OSBPL10: variants seen among roughly 807,000 people sequenced by gnomAD.
The protein encoded by OSBPL10 is oxysterol binding protein like 10.
OSBPL10 carries 49 observed loss-of-function variants against 81.7 expected under a neutral mutation model. The observed-to-expected ratio is 0.60, with a 90% CI of 0.48 to 0.76. OSBPL10 has a LOEUF of 0.76. Among genes scored for constraint, OSBPL10 ranks in the 30% least tolerant of loss-of-function variants. The pLI is 0.00. For synonymous variants in OSBPL10, 419 were observed against 383.6 expected (o/e 1.09, Z -1.08); for missense variants, 923 against 987.8 (o/e 0.93, Z 0.88).
In OSBPL10 at chr3:32,018,025, G is replaced by C. The variant is rs142642865; in HGVS notation, n.298+28466C>G. 8.8e-3 allele frequency among the ~76,000 whole-genome samples: 1,342 copies of C among 152,130 alleles called. 14 individuals carry two copies. The highest frequency in any genetic ancestry group is 0.03 in the African/African-American group (1,265 of 41,496). On this transcript the variant is annotated intron_variant and non_coding_transcript_variant, in intron 2 of 3. Coordinates refer to the OSBPL10 transcript ENST00000479173. ...TAGCTGGGCTTGGTGGCGGGCGCCT[G>C]TAATCCCAGCTACTCAGGGGGCTGA...
At position 32,015,534 on chromosome 3, in the gene OSBPL10, G is replaced by A. The variant is rs138632634; in HGVS notation, n.298+30957C>T. Among the ~76,000 whole-genome samples, 28 of 152,254 alleles carry A rather than the reference G, an allele frequency of 1.8e-4. No individual in the cohort carries two copies. In the East Asian group the frequency reaches 4.6e-3, roughly 25 times the overall value. On this transcript the variant is annotated intron_variant and non_coding_transcript_variant, in intron 2 of 3. Transcript: ENST00000479173. The stretch of plus-strand genomic sequence containing the variant: ...CTGGGCAATACCATTCAGGACATAG[G>A]CATAGGCAAGGACTTCATGTCTAAA...
chr3:31,754,803 TCA>T (rs1559450354), intron 4 of OSBPL10, among the ~76,000 whole-genome samples: 1 of 152,216 alleles, frequency 6.6e-6, no homozygotes, highest in Non-Finnish European at 1.5e-5. Flanking sequence ...TTATTCACTC[TCA>T]GTTTCGGTGT....
At chr3:31,931,466 C>A (rs888084266) in intron 1 of OSBPL10, among the ~76,000 whole-genome samples, 12 of 152,140 alleles carry the variant, frequency 7.9e-5, no homozygotes, top group South Asian at 2.1e-4. Flanking sequence ...ACCTATACTC[C>A]ACCACCAGAT....
In OSBPL10 at chr3:31,991,459, CTT is replaced by C. The variant is rs143588522; in HGVS notation, n.298+55030_298+55031del. 1,367 of 167,108 alleles carry C rather than the reference CTT, an allele frequency of 8.2e-3. 49 individuals are homozygous for C. The East Asian group carries it at 0.15, about 18-fold the overall frequency. The allele number at this position is 167,108 out of a possible 1,614,324, so 10.4% of individuals were successfully genotyped here. A position where few individuals can be genotyped will look rare whatever the true frequency, so the allele number is the denominator to read the frequency against. ...ATGTTTGTAGATTTCAAGGTACAAACTTCTCACCTTTTTACGTTTATTCCTAA... is the reference window on the plus strand; with the variant it reads ...ATGTTTGTAGATTTCAAGGTACAAACCTCACCTTTTTACGTTTATTCCTAA... On this transcript the variant is annotated intron_variant and non_coding_transcript_variant, in intron 2 of 3. Coordinates refer to the OSBPL10 transcript ENST00000479173.
intron 8 of OSBPL10, 67 bp downstream of exon 8, chr3:31,683,567 C>T: frequency 6.5e-7 from 1 of 1,532,806 alleles, no homozygotes; most frequent in Non-Finnish European, 8.8e-7. Context: ...ACAAAATTAT[C>T]AATCATCTAC....
At chr3:31,975,209 C>T (rs1316417288) in intron 1 of OSBPL10, among the ~76,000 whole-genome samples, 1 of 152,160 alleles carries the variant, frequency 6.6e-6, no homozygotes, top group Non-Finnish European at 1.5e-5. Flanking sequence ...TTTATTATTA[C>T]CATCAATGAA....
chr3:31,972,986 C>A (rs1348023734), intron 1 of OSBPL10, among the ~76,000 whole-genome samples: 1 of 152,136 alleles, frequency 6.6e-6, no homozygotes, highest in African/African-American at 2.4e-5. Flanking sequence ...ACAAATAAAG[C>A]ATTTTCTGGG....
Position 31,672,442 on chromosome 3 carries a change from G to T in OSBPL10, c.1727-1459C>A, listed in dbSNP as rs114940812. On this transcript the variant is annotated intron_variant, in intron 8 of 11. Transcript: ENST00000396556. ...GAGGATAGGGAGAGAGAGAAGGAAG[G>T]GGGGTGGGAGTGCGGAGGGAGGGGA... 4.7e-5 allele frequency among the ~76,000 whole-genome samples: 7 copies of T among 148,518 alleles called. No homozygotes were observed. The South Asian group carries it at 1.3e-3, about 28-fold the overall frequency.
chr3:31,940,580 T>C (rs564621477), intron 1 of OSBPL10, among the ~76,000 whole-genome samples: 15 of 152,338 alleles, frequency 9.8e-5, no homozygotes, highest in African/African-American at 3.6e-4. Context: ...CCTTTGGGAT[T>C]TCATACCTGT....
At chr3:32,002,676 A>G (rs1473790775) in intron 2 of OSBPL10, among the ~76,000 whole-genome samples, 2 of 129,506 alleles carry the variant, frequency 1.5e-5, no homozygotes, top group Non-Finnish European at 3.6e-5. Context: ...TCAAACAGCA[A>G]TGTTTCTGAT....
intron 2 of OSBPL10, among the ~76,000 whole-genome samples, chr3:32,010,384 T>C (rs1167510900): frequency 6.6e-6 from 1 of 152,134 alleles, no homozygotes; most frequent in Non-Finnish European, 1.5e-5. Flanking sequence ...TAATACAGGA[T>C]TCAAAAGCCA....
intron 2 of OSBPL10, 44 bp from the exon 3 acceptor site, chr3:31,876,556 T>G (rs1701477851): frequency 4.6e-6 from 7 of 1,527,396 alleles, no homozygotes; most frequent in Non-Finnish European, 6.4e-6. Flanking sequence ...CAGAGATTGT[T>G]CCAAAACACA....
intron 7 of OSBPL10, among the ~76,000 whole-genome samples, chr3:31,694,640 A>G (rs1037362767): frequency 1.3e-5 from 2 of 152,138 alleles, no homozygotes; most frequent in Non-Finnish European, 2.9e-5. Context: ...CTGATTTAGA[A>G]GGTCTAAAAT....
intron 2 of OSBPL10, among the ~76,000 whole-genome samples, chr3:32,012,676 G>T (rs1699273243): frequency 6.6e-6 from 1 of 152,174 alleles, no homozygotes; most frequent in Admixed American, 6.5e-5. Context: ...AGACCCATCA[G>T]TGTGCTGTAT....
intron 4 of OSBPL10, chr3:31,796,146 C>T (rs957356749): frequency 6.6e-5 from 12 of 182,714 alleles, no homozygotes; most frequent in African/African-American, 2.4e-4. Flanking sequence ...CCTTCAGCAT[C>T]GAAGAACTCA....
chr3:31,748,236 T>C, intron 4 of OSBPL10, 116 bp from the exon 5 acceptor site: 1 of 865,148 alleles, frequency 1.2e-6, no homozygotes, highest in Non-Finnish European at 1.8e-6. Context: ...ACTCAGCGTG[T>C]TCGGTGCACA....
At chr3:32,035,399 T>C (rs1443419323) in intron 2 of OSBPL10, among the ~76,000 whole-genome samples, 2 of 151,706 alleles carry the variant, frequency 1.3e-5, no homozygotes, top group East Asian at 3.9e-4. Flanking sequence ...ATGTCTCTAC[T>C]AAAAATACAA....
intron 4 of OSBPL10, among the ~76,000 whole-genome samples, chr3:31,756,786 T>A (rs539587610): frequency 6.6e-6 from 1 of 152,384 alleles, no homozygotes; most frequent in South Asian, 2.1e-4. Flanking sequence ...AAATTTTTCA[T>A]AACAACGATG....
rs567985481 is a variant in OSBPL10, at chr3:31,676,584, C to T, written c.1727-5601G>A. On this transcript the variant is annotated intron_variant, in intron 8 of 11. Coordinates refer to ENST00000396556, the MANE Select transcript of OSBPL10 (RefSeq NM_017784.5). ...AACCAAAATATTCAGCTGGGACATT[C>T]ATCCTGGAAAGTAGAGTCACAGAAG... Among the ~76,000 whole-genome samples the T allele has an allele frequency of 3.3e-5, 5 of 152,334 alleles. No individual in the cohort carries two copies. The South Asian group carries it at 1.0e-3, about 32-fold the overall frequency.
Sources: gnomAD v4.1 joint callset for allele counts (sites outside exome capture counted in the v4.1 genomes callset) on GRCh38, gnomAD v4.1.1 for gene constraint, MANE v1.5 for transcripts, NCBI Gene and HGNC (gene_info 2026-07-23, HGNC 2026-07-21) for gene names.